The following NRXN3 variants were observed in gnomAD, a reference collection of about 807,000 sequenced individuals.
NRXN3 encodes neurexin 3.
A neutral mutation model predicts 137.6 loss-of-function variants in NRXN3; 32 were observed. The observed-to-expected ratio is 0.23, with a 90% CI of 0.18 to 0.31. NRXN3 has a LOEUF of 0.31. Ranked by LOEUF, NRXN3 falls within the 10% of genes least tolerant of loss-of-function variation. NRXN3 has a pLI of 1.00. For synonymous variants in NRXN3, 798 were observed against 784.5 expected, an observed-to-expected ratio of 1.02 and a Z score of -0.29; for missense variants, 1,574 against 2,062.5, an observed-to-expected ratio of 0.76 and a Z score of 4.59.
intron 4 of NRXN3, among the ~76,000 whole-genome samples, chr14:78,481,142 A>G (rs2095467003): frequency 6.6e-6 from 1 of 152,224 alleles, no homozygotes; most frequent in African/African-American, 2.4e-5. Flanking sequence ...GGTTAATAGA[A>G]CTGAATAAAA....
intron 10 of NRXN3, among the ~76,000 whole-genome samples, chr14:78,936,265 T>C: frequency 6.6e-6 from 1 of 152,178 alleles, no homozygotes; most frequent in East Asian, 1.9e-4. Context: ...TGGAATAGCA[T>C]AGAAGTTATG....
At chr14:78,962,554 A>T (rs998640358) in intron 11 of NRXN3, among the ~76,000 whole-genome samples, 1 of 149,732 alleles carries the variant, frequency 6.7e-6, no homozygotes, top group Non-Finnish European at 1.5e-5. Flanking sequence ...CACATAGATT[A>T]AAAAAAAAAT....
At chr14:78,484,186 T>A (rs1240317245) in intron 4 of NRXN3, among the ~76,000 whole-genome samples, 1 of 152,182 alleles carries the variant, frequency 6.6e-6, no homozygotes, top group Non-Finnish European at 1.5e-5. Context: ...CAGAGTTTAA[T>A]AATAGATAAT....
intron 6 of NRXN3, among the ~76,000 whole-genome samples, chr14:78,661,959 G>A (rs552105902): frequency 6.7e-6 from 1 of 149,574 alleles, no homozygotes; most frequent in Admixed American, 6.7e-5. Flanking sequence ...GTGCAATCTC[G>A]GCTCACTGCA....
intron 5 of NRXN3, among the ~76,000 whole-genome samples, chr14:78,650,627 A>T (rs1269562271): frequency 1.3e-5 from 2 of 151,958 alleles, no homozygotes; most frequent in Non-Finnish European, 2.9e-5. Context: ...CCCTGAATGC[A>T]TGTTTGTCAG....
intron 15 of NRXN3, among the ~76,000 whole-genome samples, chr14:79,426,496 T>C (rs756400468): frequency 6.6e-6 from 1 of 152,216 alleles, no homozygotes; most frequent in Non-Finnish European, 1.5e-5. Flanking sequence ...TACCTATTGA[T>C]AGAATGTGCA....
At position 79,647,395 on chromosome 14, in the gene NRXN3, G is replaced by A. The variant is rs1276276421; in HGVS notation, c.3445-16383G>A. On this transcript the variant is annotated intron_variant, in intron 16 of 20. Coordinates refer to ENST00000335750, the MANE Select transcript of NRXN3 (RefSeq NM_001330195.2). The stretch of plus-strand genomic sequence containing the variant: ...GTAATTTAAATGTACCTTTCTATAC[G>A]GAACGGTCTGCTGTCATGCAACTTT... 3.0e-5 allele frequency among the ~76,000 whole-genome samples: 4 copies of A among 135,198 alleles called. No homozygotes were observed. The East Asian group carries it at 5.9e-4, about 20-fold the overall frequency. The allele number at this position is 135,198 out of a possible 152,430, so 88.7% of individuals were successfully genotyped here.
At chr14:78,988,802 T>C (rs1272443440) in intron 15 of NRXN3, among the ~76,000 whole-genome samples, 1 of 152,148 alleles carries the variant, frequency 6.6e-6, no homozygotes, top group African/African-American at 2.4e-5. Context: ...TATGTATGTA[T>C]GTATTTTCTA....
intron 15 of NRXN3, chr14:79,246,794 G>A (rs911617668): frequency 6.6e-6 from 1 of 152,134 alleles, no homozygotes; most frequent in Non-Finnish European, 1.5e-5. Flanking sequence ...AAATTGAATA[G>A]TGTAGATAAA....
chr14:78,978,954 T>G (rs1392893741), intron 14 of NRXN3, among the ~76,000 whole-genome samples: 1 of 151,724 alleles, frequency 6.6e-6, no homozygotes, highest in East Asian at 1.9e-4. Context: ...TCTGCTCTGA[T>G]TCGAAAAGCC....
chr14:79,777,996 A>C (rs763773818), intron 19 of NRXN3, among the ~76,000 whole-genome samples: 1 of 151,844 alleles, frequency 6.6e-6, no homozygotes, highest in Non-Finnish European at 1.5e-5. Flanking sequence ...TTTTCTATGC[A>C]CTGTAACTTC....
intron 15 of NRXN3, among the ~76,000 whole-genome samples, chr14:79,363,156 G>A (rs932460413): frequency 1.3e-5 from 2 of 151,776 alleles, no homozygotes; most frequent in African/African-American, 2.4e-5. Context: ...GCCCACAACC[G>A]CACCTGGCTA....
chr14:79,802,325 A>G (rs1196928607), intron 19 of NRXN3, among the ~76,000 whole-genome samples: 1 of 152,194 alleles, frequency 6.6e-6, no homozygotes, highest in Non-Finnish European at 1.5e-5. Context: ...CAGTCAAATC[A>G]TTAATAATTT....
intron 15 of NRXN3, among the ~76,000 whole-genome samples, chr14:79,446,518 AAACTT>A (rs1402805935): frequency 2.0e-5 from 3 of 152,200 alleles, no homozygotes; most frequent in African/African-American, 7.2e-5. Context: ...AAAAATATAA[AAACTT>A]ATCCTGTAAA....
rs58525848 is a variant in NRXN3, at chr14:78,591,421, C to T, written c.758-53699C>T. 4.8e-3 allele frequency among the ~76,000 whole-genome samples: 727 copies of T among 152,172 alleles called. 19 individuals carry two copies. In the East Asian group the frequency reaches 0.091, roughly 19 times the overall value. On this transcript the variant is annotated intron_variant, in intron 4 of 20. Transcript: ENST00000335750. ...GGGCTGTGGACCACATTTTGAGTAGCGTGGTGTAGTGGACACTGGAGGAAG... is the reference window on the plus strand; with the variant it reads ...GGGCTGTGGACCACATTTTGAGTAGTGTGGTGTAGTGGACACTGGAGGAAG...
At chr14:79,762,522 A>C (rs186664126) in intron 19 of NRXN3, among the ~76,000 whole-genome samples, 3 of 151,338 alleles carry the variant, frequency 2.0e-5, no homozygotes, top group Admixed American at 2.0e-4. Context: ...ATTGCCAATG[A>C]GTTAAATGTT....
At chr14:79,288,052 A>C (rs1217591591) in intron 15 of NRXN3, among the ~76,000 whole-genome samples, 1 of 152,308 alleles carries the variant, frequency 6.6e-6, no homozygotes. Context: ...TGCATCTTAA[A>C]CCTATCTGAG....
intron 15 of NRXN3, among the ~76,000 whole-genome samples, chr14:79,230,620 G>C (rs542541357): frequency 1.3e-5 from 2 of 152,264 alleles, no homozygotes; most frequent in Admixed American, 6.5e-5. Flanking sequence ...AAGTTCACTG[G>C]CTTTGGTGAT....
chr14:78,733,507 A>G (rs1462720153), intron 8 of NRXN3, among the ~76,000 whole-genome samples: 1 of 152,226 alleles, frequency 6.6e-6, no homozygotes, highest in Non-Finnish European at 1.5e-5. Context: ...TCAAGGAATC[A>G]GTGAGTGCTA....
Sources: gnomAD v4.1 joint callset for allele counts (sites outside exome capture counted in the v4.1 genomes callset) on GRCh38, gnomAD v4.1.1 for gene constraint, MANE v1.5 for transcripts, NCBI Gene and HGNC (gene_info 2026-07-23, HGNC 2026-07-21) for gene names.